FSTL5: variants seen among roughly 807,000 people sequenced by gnomAD.
FSTL5 encodes the protein follistatin-related protein 5.
Under a neutral mutation model 89.1 loss-of-function variants are expected in FSTL5, and 62 were observed. The observed-to-expected ratio is 0.70, with a 90% confidence interval of 0.57 to 0.86. The LOEUF (loss-of-function observed/expected upper bound fraction) is 0.86. Ranked by LOEUF, FSTL5 falls within the 40% of genes least tolerant of loss-of-function variation. FSTL5 has a pLI of 0.00. For missense variants in FSTL5, 1,057 were observed against 1,001.6 expected (o/e 1.06, Z -0.75); for synonymous variants, 383 against 346.2 (o/e 1.11, Z -1.18).
chr4:161,578,421 A>C (rs923396585), intron 8 of FSTL5, among the ~76,000 whole-genome samples: 1 of 152,154 alleles, frequency 6.6e-6, no homozygotes, highest in Middle Eastern at 3.2e-3. Context: ...AGTGAAGTAC[A>C]GTATGTACAA....
At chr4:161,400,873 G>A (rs1731160328) in intron 15 of FSTL5, among the ~76,000 whole-genome samples, 1 of 152,058 alleles carries the variant, frequency 6.6e-6, no homozygotes, top group Non-Finnish European at 1.5e-5. Flanking sequence ...TATGTTATCA[G>A]AGATCATTTT....
intron 6 of FSTL5, among the ~76,000 whole-genome samples, chr4:161,662,069 T>A (rs1736734541): frequency 6.6e-6 from 1 of 152,186 alleles, no homozygotes; most frequent in South Asian, 2.1e-4. Context: ...TGTGGCTTAT[T>A]GTTTTCCAGG....
intron 4 of FSTL5, among the ~76,000 whole-genome samples, chr4:161,844,554 A>T (rs143845443): frequency 0.071 from 10,801 of 152,220 alleles, 434 homozygotes; most frequent in Middle Eastern, 0.15. Flanking sequence ...CCAATCAATG[A>T]TAGACTAGAT....
intron 4 of FSTL5, among the ~76,000 whole-genome samples, chr4:161,794,105 A>G (rs1729557472): frequency 6.6e-6 from 1 of 152,190 alleles, no homozygotes; most frequent in Non-Finnish European, 1.5e-5. Flanking sequence ...TCTCAGAAGC[A>G]GTGGTTCTTA....
intron 2 of FSTL5, among the ~76,000 whole-genome samples, chr4:162,070,616 T>C (rs1043311926): frequency 2.0e-5 from 3 of 151,980 alleles, no homozygotes; most frequent in South Asian, 2.1e-4. Context: ...CTGTTATTTC[T>C]CCAATGTATA....
chr4:161,435,950 C>A (rs1487320008), intron 15 of FSTL5, among the ~76,000 whole-genome samples: 1 of 152,014 alleles, frequency 6.6e-6, no homozygotes, highest in Non-Finnish European at 1.5e-5. Context: ...GTACACCATG[C>A]TTTTTCATTT....
chr4:161,837,054 GT>G (rs1181780768), intron 4 of FSTL5, among the ~76,000 whole-genome samples: 1 of 152,080 alleles, frequency 6.6e-6, no homozygotes, highest in Non-Finnish European at 1.5e-5. Flanking sequence ...CTCAGAACAG[GT>G]TTTTAATTTA....
chr4:161,967,389 A>G (rs1248929059), intron 3 of FSTL5, among the ~76,000 whole-genome samples: 2 of 151,968 alleles, frequency 1.3e-5, no homozygotes, highest in Admixed American at 1.3e-4. Flanking sequence ...CAGATACAAA[A>G]GAAAACCACA....
At chr4:161,845,228 C>T (rs977787306) in intron 4 of FSTL5, among the ~76,000 whole-genome samples, 1 of 152,122 alleles carries the variant, frequency 6.6e-6, no homozygotes, top group African/African-American at 2.4e-5. Flanking sequence ...TAACTGATTG[C>T]TAAATATCTT....
chr4:161,885,267 G>A (rs920035251), intron 4 of FSTL5, among the ~76,000 whole-genome samples: 3 of 151,996 alleles, frequency 2.0e-5, no homozygotes, highest in African/African-American at 7.3e-5. Context: ...ACTGGAGTAC[G>A]AGTAAAAGCA....
chr4:161,920,284 T>C (rs944084970), intron 4 of FSTL5, 120 bp downstream of exon 4: 2 of 915,254 alleles, frequency 2.2e-6, no homozygotes, highest in Non-Finnish European at 3.3e-6. Context: ...ACTTAGGCTA[T>C]TTTGTGTTTC....
intron 10 of FSTL5, among the ~76,000 whole-genome samples, chr4:161,533,085 A>G (rs1373297595): frequency 6.6e-6 from 1 of 152,022 alleles, no homozygotes; most frequent in Non-Finnish European, 1.5e-5. Context: ...CAGTGTTAAG[A>G]GAAAAGTTCA....
At chr4:161,888,495 A>T (rs1732884983) in intron 4 of FSTL5, among the ~76,000 whole-genome samples, 1 of 152,224 alleles carries the variant, frequency 6.6e-6, no homozygotes, top group Non-Finnish European at 1.5e-5. Flanking sequence ...AGCAAGTAGC[A>T]TACTTGACTA....
chr4:161,629,170 CA>C (rs1362256330), intron 7 of FSTL5, among the ~76,000 whole-genome samples: 2 of 152,176 alleles, frequency 1.3e-5, no homozygotes, highest in Non-Finnish European at 2.9e-5. Flanking sequence ...AGTCTCACCA[CA>C]AGCTGTTTCT....
In FSTL5 at chr4:161,505,709, CATAT is replaced by C. The variant is rs570698472; in HGVS notation, c.1339+4685_1339+4688del. ...CACACACATATGTGTATCACACATG[CATAT>C]ATATAATTTAAGCCAATGTCATTAT... On this transcript the variant is annotated intron_variant, in intron 11 of 15. Transcript: ENST00000306100. 4.0e-3 allele frequency among the ~76,000 whole-genome samples: 612 copies of C among 152,168 alleles called. 5 individuals are homozygous for C. Among genetic ancestry groups the C allele is most frequent in the African/African-American group, 0.014 (593 of 41,530 alleles).
chr4:161,947,684 T>C (rs1560930889), intron 3 of FSTL5, among the ~76,000 whole-genome samples: 1 of 152,162 alleles, frequency 6.6e-6, no homozygotes, highest in East Asian at 1.9e-4. Flanking sequence ...TTATATGTTT[T>C]TCAGAATACT....
intron 4 of FSTL5, among the ~76,000 whole-genome samples, chr4:161,831,520 C>CA (rs139499944): frequency 0.013 from 2,019 of 150,564 alleles, 47 homozygotes; most frequent in African/African-American, 0.045. Context: ...TGTTTTGTTA[C>CA]AAAAAAAAGC....
In FSTL5 at chr4:161,655,901, T is replaced by C. The variant is rs187344390; in HGVS notation, c.894+427A>G. Among the ~76,000 whole-genome samples, 539 of 152,290 alleles carry C rather than the reference T, an allele frequency of 3.5e-3. 5 individuals carry two copies. The highest frequency in any genetic ancestry group is 0.01 in the African/African-American group (420 of 41,574). On this transcript the variant is annotated intron_variant, in intron 7 of 15. Coordinates refer to ENST00000306100, the MANE Select transcript of FSTL5 (RefSeq NM_020116.5). ...TGCAAACATACACTCATCCATACCATCACATTTCCTATTGATGGCATTTTA... is the reference window on the plus strand; with the variant it reads ...TGCAAACATACACTCATCCATACCACCACATTTCCTATTGATGGCATTTTA...
At chr4:161,610,170 G>A (rs2126634349) in intron 7 of FSTL5, among the ~76,000 whole-genome samples, 1 of 151,702 alleles carries the variant, frequency 6.6e-6, no homozygotes, top group African/African-American at 2.4e-5. Context: ...AAAAAAAAAA[G>A]GATAACAATA....
Sources: allele counts gnomAD v4.1 joint callset (sites outside exome capture counted in the v4.1 genomes callset), GRCh38; gene constraint gnomAD v4.1.1; transcripts MANE v1.5; gene names NCBI Gene and HGNC (gene_info 2026-07-23, HGNC 2026-07-21).